BLOC1S3: variants seen among roughly 807,000 people sequenced by gnomAD.
The protein encoded by BLOC1S3 is biogenesis of lysosomal organelles complex 1 subunit 3.
A neutral mutation model predicts 9.1 loss-of-function variants in BLOC1S3; 7 were observed. The observed-to-expected ratio is 0.77, with a 90% CI of 0.44 to 1.45. The LOEUF is 1.45. Among genes scored for constraint, BLOC1S3 ranks in the 40% most tolerant of loss-of-function variants. The probability of loss-of-function intolerance (pLI) is 0.01; values close to 1 mark genes in which losing one functional copy is unlikely to be tolerated. For synonymous variants in BLOC1S3, 145 were observed against 158.4 expected (o/e 0.92, Z 0.64); for missense variants, 307 against 315.2 (o/e 0.97, Z 0.20).
chr19:45,207,547 C>A (rs1441881353), intron 3 of BLOC1S3, among the ~76,000 whole-genome samples: 1 of 118,748 alleles, frequency 8.4e-6, no homozygotes, highest in African/African-American at 3.4e-5. Flanking sequence ...CAGAGCGAGA[C>A]TCTGTCTCAA....
At chr19:45,213,679 T>TCATGCCTGTAATCC (rs1180458362) in intron 3 of BLOC1S3, among the ~76,000 whole-genome samples, 2 of 152,048 alleles carry the variant, frequency 1.3e-5, no homozygotes, top group Non-Finnish European at 2.9e-5. Context: ...GTGCCGTGGC[T>TCATGCCTGTAATCC]CATGCCTGTA....
intron 3 of BLOC1S3, chr19:45,216,089 C>A (rs568684458): frequency 6.2e-7 from 1 of 1,613,818 alleles, no homozygotes; most frequent in Non-Finnish European, 8.5e-7. Flanking sequence ...TCTGGGTAGT[C>A]GCGCACCAAC....
At chr19:45,210,112 G>A (rs573332539) in intron 3 of BLOC1S3, among the ~76,000 whole-genome samples, 1 of 152,216 alleles carries the variant, frequency 6.6e-6, no homozygotes, top group South Asian at 2.1e-4. Context: ...ACTACGTTAT[G>A]TATTTCCAAA....
intron 3 of BLOC1S3, among the ~76,000 whole-genome samples, chr19:45,205,205 G>A (rs1055839498): frequency 3.3e-5 from 5 of 151,262 alleles, no homozygotes; most frequent in Non-Finnish European, 4.4e-5. Flanking sequence ...TTGCACTGTC[G>A]CCCAGACTGG....
At chr19:45,189,633 TG>T (rs1969590972) in intron 2 of BLOC1S3, among the ~76,000 whole-genome samples, 1 of 147,300 alleles carries the variant, frequency 6.8e-6, no homozygotes, top group African/African-American at 2.5e-5. Context: ...TTAGTAGAGA[TG>T]GGGTTTCTCC....
At chr19:45,184,903 C>CAAAAAAAAAAAAAA (rs71338752), downstream of BLOC1S3, among the ~76,000 whole-genome samples, 41 of 48,290 alleles carry the variant, frequency 8.5e-4, 5 homozygotes, top group South Asian at 1.7e-3. Flanking sequence ...CTGTCTCAAA[C>CAAAAAAAAAAAAAA]AAAAAAAAAA....
chr19:45,215,950 C>T (rs1032787614), intron 3 of BLOC1S3: 36 of 1,378,808 alleles, frequency 2.6e-5, no homozygotes, highest in Middle Eastern at 2.0e-4. Flanking sequence ...CAGCAGGAAA[C>T]GGCCGTCAGA....
At chr19:45,215,488 A>T (rs1460693788) in intron 3 of BLOC1S3, among the ~76,000 whole-genome samples, 1 of 152,146 alleles carries the variant, frequency 6.6e-6, no homozygotes, top group Non-Finnish European at 1.5e-5. Context: ...AAAGAAAAAA[A>T]GTTGGCATGT....
chr19:45,179,107 C>T lies in BLOC1S3; in HGVS notation c.-9-181C>T, dbSNP rs897804776. The stretch of plus-strand genomic sequence containing the variant: ...TTTCCCCATCTGTACGCTGAAGAGC[C>T]TGGGGTCCAGTAACCCCCATCATCA... On this transcript the variant is annotated intron_variant, in intron 1 of 1. Coordinates refer to ENST00000433642, the MANE Select transcript of BLOC1S3 (RefSeq NM_212550.5). The surrounding 1 kb of genome is among the most constrained non-coding windows in gnomAD (Gnocchi z 4.6). 4.0e-5 allele frequency: 24 copies of T among 595,124 alleles called. No individual in the cohort carries two copies. The highest frequency in any genetic ancestry group is 5.3e-5 in the Non-Finnish European group (20 of 376,330). 36.9% of individuals were successfully genotyped at this position (595,124 alleles called of 1,614,324 possible). A position where few individuals can be genotyped will look rare whatever the true frequency, so the allele number is the denominator to read the frequency against.
Position 45,179,028 on chromosome 19 carries a change from G to C in BLOC1S3, c.-10+197G>C, listed in dbSNP as rs536301059. 6.6e-6 allele frequency among the ~76,000 whole-genome samples: 1 copy of C among 152,298 alleles called. No homozygotes were observed. Among genetic ancestry groups the C allele is most frequent in the East Asian group, 1.9e-4 (1 of 5,174 alleles). ...TAGGAGGCAAATTCGTAAAGACCTC[G>C]GCTTGGGACTCCGGGAACTCGGGCC... On this transcript the variant is annotated intron_variant, in intron 1 of 1. Coordinates refer to ENST00000433642, the MANE Select transcript of BLOC1S3 (RefSeq NM_212550.5). This position sits in a 1 kb window ranked among gnomAD's most constrained non-coding sequence, Gnocchi z 4.6.
intron 3 of BLOC1S3, among the ~76,000 whole-genome samples, chr19:45,203,262 GTTTA>G (rs4012978): frequency 0.4 from 60,299 of 149,488 alleles, 12,609 homozygotes; most frequent in African/African-American, 0.46. Context: ...TGCCTTTCAA[GTTTA>G]TTTATTTATT....
intron 2 of BLOC1S3, among the ~76,000 whole-genome samples, chr19:45,197,084 G>A (rs1969654254): frequency 1.3e-5 from 2 of 151,296 alleles, no homozygotes; most frequent in Admixed American, 6.6e-5. Flanking sequence ...TGCTGGGAGT[G>A]GAGGGGGCTG....
chr19:45,204,936 G>C (rs963145690), intron 3 of BLOC1S3, among the ~76,000 whole-genome samples: 1 of 151,974 alleles, frequency 6.6e-6, no homozygotes, highest in Non-Finnish European at 1.5e-5. Context: ...GTTTCTCCAT[G>C]TTTGCTAGGC....
chr19:45,204,111 A>G (rs943598968), intron 3 of BLOC1S3, among the ~76,000 whole-genome samples: 1 of 151,390 alleles, frequency 6.6e-6, no homozygotes, highest in Non-Finnish European at 1.5e-5. Flanking sequence ...GGTTCAAGCA[A>G]TTCTCCTGCC....
rs796188251 is a variant in BLOC1S3 at position 45,203,426 on chromosome 19, AC to A, written n.282+921del. On this transcript the variant is annotated intron_variant and non_coding_transcript_variant, in intron 3 of 3. Coordinates refer to the BLOC1S3 transcript ENST00000591569. Reference sequence around the variant, plus strand: ...GTAGCTGGGATTACAGGCGTGCGCCACCATTCCCAGCTAATTTTTGTATTTT... The same window carrying A: ...GTAGCTGGGATTACAGGCGTGCGCCACATTCCCAGCTAATTTTTGTATTTT... Among the ~76,000 whole-genome samples, 18 of 152,202 alleles carry A rather than the reference AC, an allele frequency of 1.2e-4. 1 individual carries two copies. The highest frequency in any genetic ancestry group is 4.3e-4 in the African/African-American group (18 of 41,542).
At chr19:45,215,288 T>C (rs1969821242) in intron 3 of BLOC1S3, among the ~76,000 whole-genome samples, 1 of 152,058 alleles carries the variant, frequency 6.6e-6, no homozygotes, top group African/African-American at 2.4e-5. Context: ...CTGGGCAACA[T>C]GGTGAAACCC....
chr19:45,210,427 A>T (rs1438045474), intron 3 of BLOC1S3, among the ~76,000 whole-genome samples: 2 of 147,976 alleles, frequency 1.4e-5, no homozygotes, highest in Non-Finnish European at 3.0e-5. Context: ...AGCCTCCTGG[A>T]GTAGCTGGGA....
At chr19:45,189,966 C>G (rs1207107907) in intron 2 of BLOC1S3, among the ~76,000 whole-genome samples, 1 of 152,018 alleles carries the variant, frequency 6.6e-6, no homozygotes, top group Non-Finnish European at 1.5e-5. Context: ...TTTGTCTCCT[C>G]TGTGTATTTT....
chr19:45,189,655 G>A (rs1174574679), intron 2 of BLOC1S3, among the ~76,000 whole-genome samples: 5 of 149,622 alleles, frequency 3.3e-5, no homozygotes, highest in African/African-American at 1.2e-4. Flanking sequence ...ATGTTGGCCA[G>A]GCTGGTCTCA....
Sources: gnomAD v4.1 joint callset for allele counts (sites outside exome capture counted in the v4.1 genomes callset) on GRCh38, gnomAD v4.1.1 for gene constraint, Gnocchi (gnomAD v3.1) non-coding constraint, MANE v1.5 for transcripts, NCBI Gene and HGNC (gene_info 2026-07-23, HGNC 2026-07-21) for gene names.